Variants in ATRNL1 observed in about 807,000 individuals in gnomAD.
ATRNL1 encodes attractin like 1.
In ATRNL1, 95 loss-of-function variants were observed where a neutral mutation model predicts 182.7. The observed-to-expected ratio is 0.52, with a 90% CI of 0.44 to 0.62. ATRNL1 has a LOEUF of 0.62. ATRNL1 is among the 20% of genes least tolerant of loss of function. The pLI is 0.00. For synonymous variants in ATRNL1, 576 were observed against 568.3 expected (o/e 1.01, Z -0.19); for missense variants, 1,471 against 1,679.5 (o/e 0.88, Z 2.17).
intron 28 of ATRNL1, among the ~76,000 whole-genome samples, chr10:115,852,373 C>T (rs1296302177): frequency 1.3e-5 from 2 of 152,100 alleles, no homozygotes; most frequent in Non-Finnish European, 2.9e-5. Context: ...TGATAGTTTA[C>T]TCATGGTGTC....
At chr10:115,604,583 T>C (rs1555017038) in intron 26 of ATRNL1, among the ~76,000 whole-genome samples, 1 of 152,124 alleles carries the variant, frequency 6.6e-6, no homozygotes, top group South Asian at 2.1e-4. Flanking sequence ...CTCTTCTGAT[T>C]GACACCCTAC....
intron 19 of ATRNL1, among the ~76,000 whole-genome samples, chr10:115,389,584 ATATATATT>A (rs1843909510): frequency 1.2e-4 from 12 of 97,442 alleles, no homozygotes; most frequent in African/African-American, 4.1e-4. Context: ...ATATATATAT[ATATATATT>A]TCATCCAATG....
chr10:115,740,541 T>C (rs1948106849), intron 27 of ATRNL1, among the ~76,000 whole-genome samples: 1 of 152,140 alleles, frequency 6.6e-6, no homozygotes, highest in African/African-American at 2.4e-5. Flanking sequence ...GGAGTCTTGC[T>C]CTGTCCCAGG....
chr10:115,095,073 G>C (rs1554862796), intron 1 of ATRNL1, among the ~76,000 whole-genome samples: 1 of 152,150 alleles, frequency 6.6e-6, no homozygotes, highest in Non-Finnish European at 1.5e-5. Flanking sequence ...AAAGCAATGG[G>C]TCACAGTGTA....
intron 26 of ATRNL1, among the ~76,000 whole-genome samples, chr10:115,558,311 T>C (rs1853447452): frequency 6.6e-6 from 1 of 152,068 alleles, no homozygotes; most frequent in South Asian, 2.1e-4. Context: ...AGCAAGCTGG[T>C]CAAGGGCCTG....
intron 18 of ATRNL1, among the ~76,000 whole-genome samples, chr10:115,332,494 T>G (rs1339086375): frequency 7.9e-5 from 12 of 152,250 alleles, no homozygotes; most frequent in African/African-American, 2.9e-4. Context: ...TATTAATTGC[T>G]TCTCTTAATT....
chr10:115,438,918 G>A (rs181696841), intron 21 of ATRNL1, among the ~76,000 whole-genome samples: 3 of 151,888 alleles, frequency 2.0e-5, no homozygotes, highest in Non-Finnish European at 2.9e-5. Flanking sequence ...GCATGTAGTC[G>A]AAAATCTGCG....
Position 115,727,334 on chromosome 10 carries a change from G to A in ATRNL1, c.3882G>A (p.Glu1294=), listed in dbSNP as rs1365432048. ...TGGAAGTGGGAGCTGAACAAACAGA[G>A]TTTCTGCGAGGGCCATTAGAGGTAG... ...VALEVGAEQT[E]FLRGPLEGAP... Residue 1294 remains glutamate (E), a synonymous_variant, in exon 27 of 29, where the codon GAG becomes GAA. Coordinates refer to ENST00000355044, the MANE Select transcript of ATRNL1 (RefSeq NM_207303.4). 1.9e-6 allele frequency: 3 copies of A among 1,614,064 alleles called. No individual in the cohort carries two copies. The South Asian group carries it at 3.3e-5, about 18-fold the overall frequency.
intron 26 of ATRNL1, among the ~76,000 whole-genome samples, chr10:115,570,140 T>C (rs1854304803): frequency 6.6e-6 from 1 of 152,216 alleles, no homozygotes; most frequent in African/African-American, 2.4e-5. Context: ...TTTTGTATTT[T>C]TTTAGTAGAG....
chr10:115,431,645 C>A (rs1846171708), intron 21 of ATRNL1, among the ~76,000 whole-genome samples: 1 of 151,932 alleles, frequency 6.6e-6, no homozygotes, highest in African/African-American at 2.4e-5. Context: ...CAATATCTTT[C>A]AAAAATGACA....
intron 19 of ATRNL1, among the ~76,000 whole-genome samples, chr10:115,334,952 A>G (rs1295533895): frequency 6.6e-6 from 1 of 152,076 alleles, no homozygotes; most frequent in Non-Finnish European, 1.5e-5. Context: ...TTTTTCCCAT[A>G]TGTAAAATGG....
At chr10:115,295,412 G>A (rs1853130519) in intron 15 of ATRNL1, among the ~76,000 whole-genome samples, 1 of 152,174 alleles carries the variant, frequency 6.6e-6, no homozygotes, top group African/African-American at 2.4e-5. Context: ...GCCTGTAGAG[G>A]TGTTTCTCAG....
chr10:115,349,287 A>G (rs1856120067), intron 19 of ATRNL1, among the ~76,000 whole-genome samples: 1 of 152,140 alleles, frequency 6.6e-6, no homozygotes, highest in Admixed American at 6.5e-5. Flanking sequence ...AAATGACAGG[A>G]TTTCATTCTT....
intron 27 of ATRNL1, among the ~76,000 whole-genome samples, chr10:115,834,026 C>T (rs540373940): frequency 2.8e-4 from 43 of 152,220 alleles, no homozygotes; most frequent in African/African-American, 9.9e-4. Flanking sequence ...ACTGCCGGAG[C>T]ACTTCACTGC....
At chr10:115,428,742 A>G (rs1656984391) in intron 21 of ATRNL1, among the ~76,000 whole-genome samples, 1 of 152,080 alleles carries the variant, frequency 6.6e-6, no homozygotes, top group African/African-American at 2.4e-5. Context: ...TCCATTCATA[A>G]GTTCATGGAC....
intron 26 of ATRNL1, among the ~76,000 whole-genome samples, chr10:115,696,667 G>T (rs1201206905): frequency 2.0e-5 from 3 of 152,080 alleles, no homozygotes; most frequent in African/African-American, 7.2e-5. Context: ...AACCTTGCTA[G>T]CATCTGTTAT....
At chr10:115,929,997 TG>T (rs1182949519) in intron 28 of ATRNL1, among the ~76,000 whole-genome samples, 1 of 152,072 alleles carries the variant, frequency 6.6e-6, no homozygotes, top group Non-Finnish European at 1.5e-5. Context: ...CCAAAGAATG[TG>T]GTATAGATGC....
chr10:115,703,352 A>C (rs766044239), intron 26 of ATRNL1, among the ~76,000 whole-genome samples: 1 of 152,060 alleles, frequency 6.6e-6, no homozygotes, highest in Non-Finnish European at 1.5e-5. Context: ...TGACCTTGGG[A>C]AAGAATTTAT....
chr10:115,730,115 G>A (rs1366303723), intron 27 of ATRNL1, among the ~76,000 whole-genome samples: 2 of 151,506 alleles, frequency 1.3e-5, no homozygotes, highest in Non-Finnish European at 2.9e-5. Context: ...AAATTAGCTG[G>A]GCATGGTGGT....
Sources: gnomAD v4.1 joint callset for allele counts (sites outside exome capture counted in the v4.1 genomes callset) on GRCh38, gnomAD v4.1.1 for gene constraint, MANE v1.5 for transcripts, NCBI Gene and HGNC (gene_info 2026-07-23, HGNC 2026-07-21) for gene names.